The following MXD1 variants were observed in gnomAD, a reference collection of about 807,000 sequenced individuals.
MXD1 encodes MAX-binding protein.
Under a neutral mutation model 25.7 loss-of-function variants are expected in MXD1, and 9 were observed. That is an observed-to-expected ratio of 0.35 (90% CI 0.21 to 0.61). The LOEUF (loss-of-function observed/expected upper bound fraction) is 0.61. MXD1 is among the 20% of genes least tolerant of loss of function. MXD1 has a pLI of 0.75. For missense variants in MXD1, 227 were observed against 292.4 expected (o/e 0.78, Z 1.63); for synonymous variants, 99 against 113.9 (o/e 0.87, Z 0.83).
At position 69,915,230 on chromosome 2, in the gene MXD1, C is replaced by A; in HGVS notation, c.-101C>A. The A allele has an allele frequency of 9.2e-7, 1 of 1,083,876 alleles. No individual in the cohort carries two copies. The highest frequency in any genetic ancestry group is 1.2e-6 in the Non-Finnish European group (1 of 831,878). 67.1% of individuals were successfully genotyped at this position (1,083,876 alleles called of 1,614,324 possible). On this transcript the variant is annotated 5_prime_UTR_variant, in exon 1 of 6. Coordinates refer to ENST00000264444, the MANE Select transcript of MXD1 (RefSeq NM_002357.4). The surrounding 1 kb of genome is among the most constrained non-coding windows in gnomAD (Gnocchi z 5.8). ...CCTGCTCCGCGGGGTCCACAGCGGG[C>A]TCCACAGCGGGCTCCATAGCGGGCT...
rs1045126105 is a variant in MXD1 at position 69,933,265 on chromosome 2, T to C, written c.204-2086T>C. 2.4e-5 allele frequency among the ~76,000 whole-genome samples: 3 copies of C among 127,244 alleles called. No individual in the cohort carries two copies. The South Asian group carries it at 7.6e-4, about 32-fold the overall frequency. The allele number at this position is 127,244 out of a possible 152,430, so 83.5% of individuals were successfully genotyped here. The stretch of plus-strand genomic sequence containing the variant: ...AGTCTATAAGTTTTATGGCAAGAAA[T>C]AGACAAATTTATAAATGTATAAATT... On this transcript the variant is annotated intron_variant, in intron 3 of 5. Coordinates refer to ENST00000264444, the MANE Select transcript of MXD1 (RefSeq NM_002357.4).
rs1676952610 is a variant in MXD1, at chr2:69,915,871, G to A, written c.74-250G>A. On this transcript the variant is annotated intron_variant, in intron 1 of 5. Transcript: ENST00000264444. This position sits in a 1 kb window ranked among gnomAD's most constrained non-coding sequence, Gnocchi z 5.8. Reference sequence around the variant, plus strand: ...ATGTAGCCAGTGGGAAACCCAGGCTGCGTGAGCCTAGCCACTACTGTGTCT... The same window carrying A: ...ATGTAGCCAGTGGGAAACCCAGGCTACGTGAGCCTAGCCACTACTGTGTCT... Among the ~76,000 whole-genome samples, 2 of 152,266 alleles carry A rather than the reference G, an allele frequency of 1.3e-5. No homozygotes were observed. Among genetic ancestry groups the A allele is most frequent in the African/African-American group, 4.8e-5 (2 of 41,476 alleles).
chr2:69,921,805 G>T, intron 3 of MXD1, 40 bp downstream of exon 3: 1 of 1,605,624 alleles, frequency 6.2e-7, no homozygotes, highest in Non-Finnish European at 8.5e-7. Flanking sequence ...GGGGAGCTTT[G>T]TTGCATTCTC....
In MXD1 at chr2:69,939,679, C is replaced by T. The variant is rs1184935267; in HGVS notation, c.*1395C>T. 2.6e-5 allele frequency: 4 copies of T among 152,606 alleles called. No homozygotes were observed. Among genetic ancestry groups the T allele is most frequent in the Admixed American group, 2.6e-4 (4 of 15,282 alleles). 9.5% of individuals were successfully genotyped at this position (152,606 alleles called of 1,614,324 possible). On this transcript the variant is annotated 3_prime_UTR_variant, in exon 6 of 6. Coordinates refer to ENST00000264444, the MANE Select transcript of MXD1 (RefSeq NM_002357.4). Reference sequence around the variant, plus strand: ...TTTTTGAGGTCTTGATGTTTTCAGCCTCTGGCGAATCTTTTTCATTGAATT... The same window carrying T: ...TTTTTGAGGTCTTGATGTTTTCAGCTTCTGGCGAATCTTTTTCATTGAATT...
At position 69,939,926 on chromosome 2, in the gene MXD1, A is replaced by C. The variant is rs1173626598; in HGVS notation, c.*1642A>C. ...TAAGGTCAAAGTTCAAACGCACTCCACACGGAAGCTCATTCTATACCCGAA... is the reference window on the plus strand; with the variant it reads ...TAAGGTCAAAGTTCAAACGCACTCCCCACGGAAGCTCATTCTATACCCGAA... On this transcript the variant is annotated 3_prime_UTR_variant, in exon 6 of 6. Transcript: ENST00000264444. 2.0e-5 allele frequency: 3 copies of C among 152,448 alleles called. No homozygotes were observed. In the East Asian group the frequency reaches 5.8e-4, roughly 29 times the overall value. The allele number at this position is 152,448 out of a possible 1,614,324, so 9.4% of individuals were successfully genotyped here.
chr2:69,932,991 G>T (rs1163746263), intron 3 of MXD1, among the ~76,000 whole-genome samples: 1 of 152,008 alleles, frequency 6.6e-6, no homozygotes, highest in Non-Finnish European at 1.5e-5. Flanking sequence ...TTGAGGTCAG[G>T]AGTTCGAGAC....
intron 3 of MXD1, among the ~76,000 whole-genome samples, chr2:69,935,008 T>A (rs1677387580): frequency 2.6e-5 from 4 of 152,184 alleles, no homozygotes; most frequent in Admixed American, 2.6e-4. Flanking sequence ...TTCAATAAAC[T>A]CATTATAAAT....
chr2:69,917,225 T>C (rs1166759132), intron 2 of MXD1, among the ~76,000 whole-genome samples: 1 of 152,222 alleles, frequency 6.6e-6, no homozygotes, highest in Non-Finnish European at 1.5e-5. Flanking sequence ...GCGTCTTCTG[T>C]ACTTGGTTTA....
Position 69,938,434 on chromosome 2 carries a change from C to T in MXD1, c.*150C>T. 1.3e-6 allele frequency: 1 copy of T among 752,962 alleles called. No individual in the cohort carries two copies. Among genetic ancestry groups the T allele is most frequent in the Non-Finnish European group, 2.1e-6 (1 of 467,412 alleles). The allele number at this position is 752,962 out of a possible 1,614,324, so 46.6% of individuals were successfully genotyped here. ...CTTTGTAACTGTTTTCAAGGAGGTG[C>T]TTAGGATTGTGGGTTTCTGATTGCA... On this transcript the variant is annotated 3_prime_UTR_variant, in exon 6 of 6. Transcript: ENST00000264444.
chr2:69,935,722 C>T (rs1057022897), intron 4 of MXD1, among the ~76,000 whole-genome samples: 1 of 152,146 alleles, frequency 6.6e-6, no homozygotes, highest in Non-Finnish European at 1.5e-5. Flanking sequence ...AGCTCCTGCT[C>T]CTTAACCATA....
At chr2:69,937,205 G>T in intron 4 of MXD1, 30 bp from the exon 5 acceptor site, 4 of 1,610,880 alleles carry the variant, frequency 2.5e-6, no homozygotes, top group Non-Finnish European at 3.4e-6. Context: ...TCTCCCTGTG[G>T]GGCCCAACAA....
rs376617107 is a variant in MXD1, at chr2:69,915,634, C to G, written c.73+231C>G. 2.3e-3 allele frequency among the ~76,000 whole-genome samples: 349 copies of G among 152,298 alleles called. 2 individuals are homozygous for G. In the East Asian group the frequency reaches 0.033, roughly 14 times the overall value. ...CGCCCGCCGGGGTCCCGAACGCCGC[C>G]CCTTCCCCAGCCCTTCACGAGTGGG... On this transcript the variant is annotated intron_variant, in intron 1 of 5. Transcript: ENST00000264444. The surrounding 1 kb of genome is among the most constrained non-coding windows in gnomAD (Gnocchi z 5.8).
At chr2:69,925,611 T>A (rs1024280446) in intron 3 of MXD1, among the ~76,000 whole-genome samples, 1 of 152,214 alleles carries the variant, frequency 6.6e-6, no homozygotes, top group Non-Finnish European at 1.5e-5. Flanking sequence ...TTTCCAGTTA[T>A]AAACATTTTC....
In MXD1 at chr2:69,938,574, G is replaced by A. The variant is rs1278627103; in HGVS notation, c.*290G>A. 1.3e-5 allele frequency: 4 copies of A among 312,738 alleles called. No individual in the cohort carries two copies. The East Asian group carries it at 2.9e-4, about 23-fold the overall frequency. 19.4% of individuals were successfully genotyped at this position (312,738 alleles called of 1,614,324 possible). On this transcript the variant is annotated 3_prime_UTR_variant, in exon 6 of 6. Transcript: ENST00000264444. ...CCGAATAAGCAATGTCCACATCTCA[G>A]CAATCCCCCTCTTTGCTCTCCTCGT... is the stretch of plus-strand genomic sequence containing the variant.
chr2:69,916,500 G>A (rs1380480230), intron 2 of MXD1: 1 of 258,160 alleles, frequency 3.9e-6, no homozygotes, highest in African/African-American at 2.3e-5. Flanking sequence ...ATCTGTGGAA[G>A]CTTCAAGTGA....
At chr2:69,919,212 T>C (rs1019272841) in intron 2 of MXD1, among the ~76,000 whole-genome samples, 1 of 152,230 alleles carries the variant, frequency 6.6e-6, no homozygotes, top group Non-Finnish European at 1.5e-5. Flanking sequence ...AAGAATTTCC[T>C]GTGTGCTGTT....
At chr2:69,933,110 A>C (rs1380681089) in intron 3 of MXD1, among the ~76,000 whole-genome samples, 2 of 149,396 alleles carry the variant, frequency 1.3e-5, no homozygotes. Context: ...GAAGAAGGAG[A>C]ATCTGTTGAG....
chr2:69,927,063 A>C (rs1282896529), intron 3 of MXD1, among the ~76,000 whole-genome samples: 2 of 152,208 alleles, frequency 1.3e-5, no homozygotes, highest in Non-Finnish European at 2.9e-5. Context: ...TCTGCAGCCC[A>C]ATCTAAGCTG....
chr2:69,935,270 C>A, intron 3 of MXD1, 81 bp from the exon 4 acceptor site: 1 of 994,296 alleles, frequency 1.0e-6, no homozygotes, highest in Non-Finnish European at 1.6e-6. Flanking sequence ...CAACTTCACA[C>A]TCTTTGAGAA....
Sources: allele counts gnomAD v4.1 joint callset (sites outside exome capture counted in the v4.1 genomes callset), GRCh38; gene constraint gnomAD v4.1.1; non-coding constraint Gnocchi (gnomAD v3.1); transcripts MANE v1.5; gene names NCBI Gene and HGNC (gene_info 2026-07-23, HGNC 2026-07-21).